Variants in FHOD3 observed in about 807,000 individuals in gnomAD.
FHOD3 encodes the protein formin homology 2 domain containing 3.
In FHOD3, 90 loss-of-function variants were observed where a neutral mutation model predicts 173.0. That is an observed-to-expected ratio of 0.52 (90% CI 0.44 to 0.62). The LOEUF (loss-of-function observed/expected upper bound fraction) is 0.62. FHOD3 is among the 20% of genes least tolerant of loss of function. The pLI is 0.00. For synonymous variants in FHOD3, 828 were observed against 823.0 expected, an observed-to-expected ratio of 1.01 and a Z score of -0.10; for missense variants, 1,945 against 2,034.7, an observed-to-expected ratio of 0.96 and a Z score of 0.85.
At chr18:36,775,163 C>G (rs944877924) in intron 28 of FHOD3, among the ~76,000 whole-genome samples, 1 of 152,198 alleles carries the variant, frequency 6.6e-6, no homozygotes, top group African/African-American at 2.4e-5. Flanking sequence ...GACTCCTAGA[C>G]ACATTGCTCC....
At chr18:36,637,748 G>A (rs1236338716) in intron 10 of FHOD3, among the ~76,000 whole-genome samples, 2 of 152,186 alleles carry the variant, frequency 1.3e-5, no homozygotes, top group African/African-American at 4.8e-5. Context: ...ACAGGGATAT[G>A]AGAATATATC....
chr18:36,606,887 C>G (rs1213812552), intron 8 of FHOD3, among the ~76,000 whole-genome samples: 1 of 152,150 alleles, frequency 6.6e-6, no homozygotes. Context: ...CTTAAGACAC[C>G]AGAATAATCT....
At chr18:36,595,892 T>G (rs573128120) in intron 7 of FHOD3, among the ~76,000 whole-genome samples, 11 of 152,358 alleles carry the variant, frequency 7.2e-5, no homozygotes, top group African/African-American at 2.6e-4. Flanking sequence ...TTGACAATAC[T>G]TTTTCTTTTT....
At position 36,511,343 on chromosome 18, in the gene FHOD3, A is replaced by G. The variant is rs113696998; in HGVS notation, c.406-1095A>G. ...ACTGGGTTTGGGTCTGGCTAGTTAA[A>G]TGATCTTGCCAATGTTTTTTTTTTT... On this transcript the variant is annotated intron_variant, in intron 4 of 28. Coordinates refer to ENST00000590592, the MANE Select transcript of FHOD3 (RefSeq NM_001281740.3). Among the ~76,000 whole-genome samples, 583 of 151,200 alleles carry G rather than the reference A, an allele frequency of 3.9e-3. 5 individuals are homozygous for G. The highest frequency in any genetic ancestry group is 0.014 in the African/African-American group (559 of 41,230).
At chr18:36,614,264 T>C (rs1320903535) in intron 9 of FHOD3, among the ~76,000 whole-genome samples, 1 of 152,172 alleles carries the variant, frequency 6.6e-6, no homozygotes, top group Admixed American at 6.5e-5. Flanking sequence ...ATACAAAATG[T>C]GGTCTTTGTG....
chr18:36,754,346 A>G (rs2042535632), intron 24 of FHOD3, among the ~76,000 whole-genome samples: 1 of 152,142 alleles, frequency 6.6e-6, no homozygotes, highest in South Asian at 2.1e-4. Flanking sequence ...TGTTCCACAG[A>G]AAGCTTTCCC....
chr18:36,755,369 G>A (rs2042582943), intron 25 of FHOD3, 58 bp downstream of exon 25: 3 of 1,039,972 alleles, frequency 2.9e-6, no homozygotes, highest in Non-Finnish European at 3.9e-6. Context: ...AGATCAGTCA[G>A]GAATCCTCCC....
intron 2 of FHOD3, among the ~76,000 whole-genome samples, chr18:36,357,415 T>C (rs28682509): frequency 2.2e-4 from 33 of 152,180 alleles, no homozygotes; most frequent in African/African-American, 7.7e-4. Flanking sequence ...ATTGCCAGAA[T>C]GGATTCCTGA....
rs1328809356 is a variant in FHOD3 at position 36,576,479 on chromosome 18, T to C, written c.540T>C (p.Asp180=). The C allele has an allele frequency of 2.5e-6, 4 of 1,613,764 alleles. No individual in the cohort carries two copies. The highest frequency in any genetic ancestry group is 3.4e-6 in the Non-Finnish European group (4 of 1,179,878). ...RALGQIMLYV[D]GMNGVINRNE... is the part of the protein sequence containing the mutation. Reference sequence around the variant, plus strand: ...TGGGCCAGATTATGTTGTATGTGGATGGAATGAATGGAGTAATAAACCGCA... The same window carrying C: ...TGGGCCAGATTATGTTGTATGTGGACGGAATGAATGGAGTAATAAACCGCA... Residue 180 remains aspartate, a synonymous_variant, in exon 6 of 29, where the codon GAT becomes GAC. Transcript: ENST00000590592.
At chr18:36,707,548 C>A (rs1214907232) in intron 17 of FHOD3, among the ~76,000 whole-genome samples, 2 of 152,198 alleles carry the variant, frequency 1.3e-5, no homozygotes, top group Non-Finnish European at 2.9e-5. Context: ...CAGAGGATGG[C>A]AGCCTGAGAG....
chr18:36,641,070 A>G (rs928439749), intron 10 of FHOD3, among the ~76,000 whole-genome samples: 1 of 152,158 alleles, frequency 6.6e-6, no homozygotes, highest in Non-Finnish European at 1.5e-5. Flanking sequence ...CCCTTGGATC[A>G]TGCATAGCAA....
intron 1 of FHOD3, among the ~76,000 whole-genome samples, chr18:36,307,166 G>A (rs1238624723): frequency 6.6e-6 from 1 of 152,136 alleles, no homozygotes; most frequent in Non-Finnish European, 1.5e-5. Flanking sequence ...GTTTCACCAT[G>A]TTGGCCAGGG....
At chr18:36,634,736 G>A (rs753735933) in intron 10 of FHOD3, among the ~76,000 whole-genome samples, 1 of 152,146 alleles carries the variant, frequency 6.6e-6, no homozygotes, top group Non-Finnish European at 1.5e-5. Context: ...CCTTAATACG[G>A]TGGTGGGAGA....
Position 36,727,381 on chromosome 18 carries a change from C to G in FHOD3, c.3418-3265C>G, listed in dbSNP as rs78115008. ...GTTGGACAGCCCTACCCAACCCACT[C>G]CCTCATCTTGGGCAGTACTAACCAG... is the stretch of plus-strand genomic sequence containing the variant. On this transcript the variant is annotated intron_variant, in intron 19 of 28. Transcript: ENST00000590592. 0.028 allele frequency among the ~76,000 whole-genome samples: 4,199 copies of G among 152,210 alleles called. 447 individuals carry two copies. The East Asian group carries it at 0.32, about 11-fold the overall frequency.
intron 6 of FHOD3, among the ~76,000 whole-genome samples, chr18:36,584,258 A>G (rs1599752856): frequency 6.6e-6 from 1 of 152,264 alleles, no homozygotes. Context: ...ATTTCAGGCT[A>G]CTTGGTTTTC....
At chr18:36,695,715 C>T (rs957994220) in intron 17 of FHOD3, among the ~76,000 whole-genome samples, 4 of 152,148 alleles carry the variant, frequency 2.6e-5, no homozygotes, top group African/African-American at 7.2e-5. Flanking sequence ...CAGAAAGAAC[C>T]GCAGAGGTTT....
intron 4 of FHOD3, among the ~76,000 whole-genome samples, chr18:36,509,929 A>C (rs2055538567): frequency 6.6e-6 from 1 of 152,182 alleles, no homozygotes; most frequent in Non-Finnish European, 1.5e-5. Flanking sequence ...TGTTTGGAAG[A>C]CCACACACAT....
intron 2 of FHOD3, among the ~76,000 whole-genome samples, chr18:36,367,022 A>G (rs905547662): frequency 6.6e-6 from 1 of 152,230 alleles, no homozygotes; most frequent in Admixed American, 6.5e-5. Flanking sequence ...ACTTGTTCTT[A>G]TAGTCACAAA....
intron 5 of FHOD3, among the ~76,000 whole-genome samples, chr18:36,529,499 T>TTA (rs2056683894): frequency 6.6e-6 from 1 of 152,132 alleles, no homozygotes. Flanking sequence ...GGATTTTTTT[T>TTA]TATATATATG....
Sources: allele counts gnomAD v4.1 joint callset (sites outside exome capture counted in the v4.1 genomes callset), GRCh38; gene constraint gnomAD v4.1.1; transcripts MANE v1.5; gene names NCBI Gene and HGNC (gene_info 2026-07-23, HGNC 2026-07-21).